OPCML: variants seen among roughly 807,000 people sequenced by gnomAD.
OPCML encodes the protein opioid-binding protein/cell adhesion molecule.
Under a neutral mutation model 37.8 loss-of-function variants are expected in OPCML, and 13 were observed. The observed-to-expected ratio is 0.34, with a 90% CI of 0.22 to 0.55. The LOEUF is 0.55. OPCML is among the 20% of genes least tolerant of loss of function. The pLI, the probability that OPCML is intolerant of heterozygous loss-of-function variation, is 0.91. For synonymous variants in OPCML, 176 were observed against 168.8 expected, an observed-to-expected ratio of 1.04 and a Z score of -0.33; for missense variants, 341 against 435.6, an observed-to-expected ratio of 0.78 and a Z score of 1.93.
chr11:133,330,616 C>T (rs1943596869), intron 1 of OPCML, among the ~76,000 whole-genome samples: 2 of 149,566 alleles, frequency 1.3e-5, no homozygotes, highest in South Asian at 4.2e-4. Context: ...TGTTCTCACT[C>T]ATAGGTGGGA....
At chr11:133,134,151 C>T (rs1049000001) in intron 1 of OPCML, among the ~76,000 whole-genome samples, 4 of 151,982 alleles carry the variant, frequency 2.6e-5, no homozygotes, top group African/African-American at 7.3e-5. Context: ...CCTGTGGGGC[C>T]AATAAAAAGA....
At chr11:132,874,715 C>T (rs1464456199) in intron 2 of OPCML, among the ~76,000 whole-genome samples, 3 of 152,148 alleles carry the variant, frequency 2.0e-5, no homozygotes, top group Admixed American at 1.3e-4. Flanking sequence ...ACCTTATGAA[C>T]GAAACCTTAA....
chr11:132,832,349 C>T (rs1170107592), intron 2 of OPCML, among the ~76,000 whole-genome samples: 4 of 151,918 alleles, frequency 2.6e-5, no homozygotes, highest in South Asian at 2.1e-4. Context: ...AAGCCTAAAC[C>T]TCAAATCATA....
intron 7 of OPCML, among the ~76,000 whole-genome samples, chr11:132,429,612 G>C (rs973669746): frequency 6.6e-6 from 1 of 152,308 alleles, no homozygotes; most frequent in African/African-American, 2.4e-5. Flanking sequence ...AGAGTGGCTT[G>C]TAGCTCAGAA....
chr11:132,634,933 A>C (rs984815625), intron 3 of OPCML, among the ~76,000 whole-genome samples: 4 of 152,012 alleles, frequency 2.6e-5, no homozygotes, highest in Non-Finnish European at 5.9e-5. Context: ...CGAGATAAGA[A>C]TATAATGCCC....
chr11:133,440,066 A>C (rs994939821), intron 1 of OPCML, among the ~76,000 whole-genome samples: 1 of 152,144 alleles, frequency 6.6e-6, no homozygotes, highest in Non-Finnish European at 1.5e-5. Context: ...GCCAGCTAGA[A>C]ACAGATGGAA....
intron 3 of OPCML, among the ~76,000 whole-genome samples, chr11:132,537,456 AC>A (rs2096343855): frequency 6.6e-6 from 1 of 152,188 alleles, no homozygotes; most frequent in South Asian, 2.1e-4. Context: ...TAGATCAAAG[AC>A]CTAAATGTAA....
chr11:133,343,260 C>T (rs571228850), intron 1 of OPCML, among the ~76,000 whole-genome samples: 1 of 152,240 alleles, frequency 6.6e-6, no homozygotes, highest in Non-Finnish European at 1.5e-5. Flanking sequence ...CTAATCACTC[C>T]GTGACTCGGG....
At chr11:132,798,854 C>A (rs1373456434) in intron 2 of OPCML, among the ~76,000 whole-genome samples, 1 of 152,242 alleles carries the variant, frequency 6.6e-6, no homozygotes, top group Non-Finnish European at 1.5e-5. Flanking sequence ...TCCATCAGAG[C>A]TCTTGGGTAG....
At chr11:133,506,384 C>T (rs1207607614) in intron 1 of OPCML, among the ~76,000 whole-genome samples, 1 of 152,154 alleles carries the variant, frequency 6.6e-6, no homozygotes, top group African/African-American at 2.4e-5. Context: ...ATAAAAAGCA[C>T]CTCCAAAATG....
At chr11:132,749,423 A>G (rs1036956376) in intron 2 of OPCML, among the ~76,000 whole-genome samples, 4 of 152,138 alleles carry the variant, frequency 2.6e-5, no homozygotes, top group Admixed American at 2.0e-4. Flanking sequence ...GAAGGAGGAA[A>G]AGGTTGGCAG....
At chr11:132,710,900 G>A (rs1037575537) in intron 2 of OPCML, among the ~76,000 whole-genome samples, 2 of 151,976 alleles carry the variant, frequency 1.3e-5, no homozygotes, top group African/African-American at 2.4e-5. Flanking sequence ...GAAGAATCAA[G>A]AAAGGAGAGA....
At chr11:132,835,248 C>T (rs938720268) in intron 2 of OPCML, among the ~76,000 whole-genome samples, 1 of 152,230 alleles carries the variant, frequency 6.6e-6, no homozygotes, top group Middle Eastern at 3.2e-3. Flanking sequence ...GGCACATCCA[C>T]TCAGGAGAGC....
At chr11:132,716,960 T>A (rs1288590315) in intron 2 of OPCML, among the ~76,000 whole-genome samples, 1 of 152,172 alleles carries the variant, frequency 6.6e-6, no homozygotes, top group East Asian at 1.9e-4. Context: ...AAAGAAGGAT[T>A]TATAGTCAGT....
chr11:132,701,206 G>A (rs1943799705), intron 2 of OPCML, among the ~76,000 whole-genome samples: 1 of 152,174 alleles, frequency 6.6e-6, no homozygotes. Flanking sequence ...TTACATGTTG[G>A]CAGGCAAGAG....
At chr11:132,955,132 G>A (rs1945950025) in intron 1 of OPCML, among the ~76,000 whole-genome samples, 1 of 152,170 alleles carries the variant, frequency 6.6e-6, no homozygotes, top group South Asian at 2.1e-4. Context: ...GTCGAGCTTA[G>A]CTGTGAAAAC....
At chr11:133,373,448 T>TATACACACAC (rs966091785) in intron 1 of OPCML, among the ~76,000 whole-genome samples, 3 of 132,122 alleles carry the variant, frequency 2.3e-5, no homozygotes, top group African/African-American at 9.4e-5. Context: ...TATATATATA[T>TATACACACAC]ACACACACAC....
At chr11:133,012,641 C>T (rs1285336019) in intron 1 of OPCML, among the ~76,000 whole-genome samples, 12 of 151,998 alleles carry the variant, frequency 7.9e-5, no homozygotes, top group African/African-American at 2.2e-4. Flanking sequence ...TTTGGGAGGC[C>T]GAGGTGGGTG....
At chr11:133,015,395 T>TGAAGGAAGGAAGGAAG (rs1212156985) in intron 1 of OPCML, among the ~76,000 whole-genome samples, 34 of 68,242 alleles carry the variant, frequency 5.0e-4, no homozygotes, top group African/African-American at 1.6e-3. Context: ...AAGGAAGGAA[T>TGAAGGAAGGAAGGAAG]GAAGGAAGGA....
Sources: allele counts gnomAD v4.1 joint callset (sites outside exome capture counted in the v4.1 genomes callset), GRCh38; gene constraint gnomAD v4.1.1; transcripts MANE v1.5; gene names NCBI Gene and HGNC (gene_info 2026-07-23, HGNC 2026-07-21).